The following PRICKLE2 variants were observed in gnomAD, a reference collection of about 807,000 sequenced individuals.
PRICKLE2 encodes the protein prickle planar cell polarity protein 2.
Under a neutral mutation model 81.4 loss-of-function variants are expected in PRICKLE2, and 21 were observed. That is an observed-to-expected ratio of 0.26 (90% confidence interval 0.18 to 0.37). PRICKLE2 has a LOEUF of 0.37. Among genes scored for constraint, PRICKLE2 ranks in the 10% least tolerant of loss-of-function variants. PRICKLE2 has a pLI of 1.00. For missense variants in PRICKLE2, 940 were observed against 1,109.0 expected (o/e 0.85, Z 2.16); for synonymous variants, 456 against 421.5 (o/e 1.08, Z -1.00).
At chr3:64,232,497 G>C (rs928233825) in intron 2 of PRICKLE2, among the ~76,000 whole-genome samples, 15 of 152,172 alleles carry the variant, frequency 9.9e-5, no homozygotes, top group Non-Finnish European at 1.5e-5. Flanking sequence ...TCTTAGCTTT[G>C]CTTCCAGGAT....
chr3:64,138,412 G>T (rs1398454899), intron 7 of PRICKLE2, among the ~76,000 whole-genome samples: 3 of 152,214 alleles, frequency 2.0e-5, no homozygotes, highest in South Asian at 2.1e-4. Flanking sequence ...TAATAGGGAA[G>T]ATCAATACTT....
chr3:64,264,743 C>G (rs1196511758), intron 2 of PRICKLE2, among the ~76,000 whole-genome samples: 1 of 152,110 alleles, frequency 6.6e-6, no homozygotes, highest in Non-Finnish European at 1.5e-5. Flanking sequence ...CCCAAGAGAT[C>G]AAATAGTAGC....
At chr3:64,140,992 C>T (rs917600871) in intron 7 of PRICKLE2, among the ~76,000 whole-genome samples, 1 of 152,146 alleles carries the variant, frequency 6.6e-6, no homozygotes, top group African/African-American at 2.4e-5. Context: ...CACCTGGGAT[C>T]AAGTCCTCGC....
At chr3:64,188,139 G>T (rs1379045921) in intron 2 of PRICKLE2, among the ~76,000 whole-genome samples, 1 of 152,208 alleles carries the variant, frequency 6.6e-6, no homozygotes, top group African/African-American at 2.4e-5. Context: ...TTCAAATAAT[G>T]ATTCTGATGA....
chr3:64,151,435 C>A (rs1183636920), intron 6 of PRICKLE2, among the ~76,000 whole-genome samples: 1 of 152,074 alleles, frequency 6.6e-6, no homozygotes, highest in Non-Finnish European at 1.5e-5. Context: ...AGAAGAAAAC[C>A]GAGGGGCCAT....
chr3:64,127,929 AC>A (rs2077135429), intron 7 of PRICKLE2, among the ~76,000 whole-genome samples: 3 of 152,070 alleles, frequency 2.0e-5, no homozygotes, highest in Admixed American at 2.0e-4. Flanking sequence ...CACTGATTAA[AC>A]CAGAACCCTT....
At position 64,099,032 on chromosome 3, in the gene PRICKLE2, T is replaced by C. The variant is rs779882554; in HGVS notation, c.*19A>G. 6.2e-7 allele frequency: 1 copy of C among 1,613,984 alleles called. No homozygotes were observed. The highest frequency in any genetic ancestry group is 8.5e-7 in the Non-Finnish European group (1 of 1,179,832). The stretch of plus-strand genomic sequence containing the variant: ...CATTCTTAGCTCCCATCTTCTCCCA[T>C]TCCCTGATCCCAATCATATTAAGAA... On this transcript the variant is annotated 3_prime_UTR_variant, in exon 8 of 8. Transcript: ENST00000638394. The surrounding 1 kb of genome is among the most constrained non-coding windows in gnomAD (Gnocchi z 4.3).
intron 1 of PRICKLE2, among the ~76,000 whole-genome samples, chr3:64,201,811 A>C (rs1248282618): frequency 6.6e-6 from 1 of 152,142 alleles, no homozygotes; most frequent in Non-Finnish European, 1.5e-5. Flanking sequence ...AAGCCATTGC[A>C]TAACTCACGG....
intron 2 of PRICKLE2, among the ~76,000 whole-genome samples, chr3:64,185,051 G>A (rs931623342): frequency 3.3e-5 from 5 of 152,142 alleles, no homozygotes; most frequent in Non-Finnish European, 5.9e-5. Flanking sequence ...GAAGAGAAAG[G>A]AGACTATAAT....
intron 7 of PRICKLE2, among the ~76,000 whole-genome samples, chr3:64,144,371 T>C (rs893838401): frequency 1.3e-5 from 2 of 152,218 alleles, no homozygotes; most frequent in South Asian, 4.1e-4. Context: ...TCCCTCACAG[T>C]GTTATGACAA....
intron 1 of PRICKLE2, among the ~76,000 whole-genome samples, chr3:64,220,646 C>T (rs563517758): frequency 2.6e-5 from 4 of 152,294 alleles, no homozygotes; most frequent in South Asian, 2.1e-4. Context: ...TGTAGGTTCA[C>T]TCTGCTGTTC....
rs528686807 is a variant in PRICKLE2 at position 64,209,196 on chromosome 3, C to T, written c.-40-10229G>A. ...ATCCATTCATATCCATACATACATCCCATAAATACATCCATATCTATCCAT... is the reference window on the plus strand; with the variant it reads ...ATCCATTCATATCCATACATACATCTCATAAATACATCCATATCTATCCAT... On this transcript the variant is annotated intron_variant, in intron 1 of 7. Coordinates refer to ENST00000638394, the MANE Select transcript of PRICKLE2 (RefSeq NM_198859.4). Among the ~76,000 whole-genome samples the T allele has an allele frequency of 2.0e-4, 30 of 152,058 alleles. No homozygotes were observed. In the South Asian group the frequency reaches 2.3e-3, roughly 12 times the overall value.
intron 2 of PRICKLE2, among the ~76,000 whole-genome samples, chr3:64,175,917 A>T (rs2078014571): frequency 6.6e-6 from 1 of 152,186 alleles, no homozygotes; most frequent in Non-Finnish European, 1.5e-5. Flanking sequence ...ACCCGAGAAT[A>T]GTGGCCTAGG....
chr3:64,203,107 A>C (rs1056384770), intron 1 of PRICKLE2, among the ~76,000 whole-genome samples: 3 of 152,190 alleles, frequency 2.0e-5, no homozygotes, highest in Non-Finnish European at 4.4e-5. Flanking sequence ...AGTTTAGTCT[A>C]ACCAAACTGA....
Position 64,149,418 on chromosome 3 carries a change from G to C in PRICKLE2, c.788-1716C>G, listed in dbSNP as rs942174095. On this transcript the variant is annotated intron_variant, in intron 6 of 7. Coordinates refer to ENST00000638394, the MANE Select transcript of PRICKLE2 (RefSeq NM_198859.4). ...TTTTGCTAAGGCAGTCACACAGCAGGCTCTTTTTATAGCAGCAGTAAAACT... is the reference window on the plus strand; with the variant it reads ...TTTTGCTAAGGCAGTCACACAGCAGCCTCTTTTTATAGCAGCAGTAAAACT... 2.0e-5 allele frequency among the ~76,000 whole-genome samples: 3 copies of C among 152,332 alleles called. No individual in the cohort carries two copies. The South Asian group carries it at 6.2e-4, about 32-fold the overall frequency.
chr3:64,171,917 G>T (rs1211390090), intron 2 of PRICKLE2, among the ~76,000 whole-genome samples: 1 of 152,184 alleles, frequency 6.6e-6, no homozygotes, highest in Non-Finnish European at 1.5e-5. Flanking sequence ...TGAAGCCAGA[G>T]AATTTCTTTC....
intron 6 of PRICKLE2, among the ~76,000 whole-genome samples, chr3:64,151,408 C>A (rs2077545511): frequency 6.6e-6 from 1 of 152,092 alleles, no homozygotes; most frequent in Admixed American, 6.6e-5. Context: ...GCTGGGCAGC[C>A]AAAGGGCGAA....
Position 64,225,090 on chromosome 3 carries a change from G to A in PRICKLE2, c.-221C>T. The A allele has an allele frequency of 1.0e-6, 1 of 985,292 alleles. No individual in the cohort carries two copies. The highest frequency in any genetic ancestry group is 1.2e-6 in the Non-Finnish European group (1 of 829,984). 61.0% of individuals were successfully genotyped at this position (985,292 alleles called of 1,614,324 possible). ...TCAGTCTGAACCCTTCCTGAAGCTGGCAACAGACTCAAGCCGAGCTGCTCC... is the reference window on the plus strand; with the variant it reads ...TCAGTCTGAACCCTTCCTGAAGCTGACAACAGACTCAAGCCGAGCTGCTCC... On this transcript the variant is annotated 5_prime_UTR_variant, in exon 1 of 8. Transcript: ENST00000638394.
At chr3:64,109,456 G>A (rs1382480967) in intron 7 of PRICKLE2, among the ~76,000 whole-genome samples, 3 of 152,140 alleles carry the variant, frequency 2.0e-5, no homozygotes, top group Non-Finnish European at 4.4e-5. Context: ...ATCACAAGTT[G>A]GCTTGCAGTC....
Sources: gnomAD v4.1 joint callset for allele counts (sites outside exome capture counted in the v4.1 genomes callset) on GRCh38, gnomAD v4.1.1 for gene constraint, Gnocchi (gnomAD v3.1) non-coding constraint, MANE v1.5 for transcripts, NCBI Gene and HGNC (gene_info 2026-07-23, HGNC 2026-07-21) for gene names.